Variants in EXT1 observed in about 807,000 individuals in gnomAD.
EXT1 encodes exostosin glycosyltransferase 1.
Under a neutral mutation model 82.5 loss-of-function variants are expected in EXT1, and 20 were observed. The observed-to-expected ratio is 0.24, with a 90% CI of 0.17 to 0.35. EXT1 has a LOEUF of 0.35. Ranked by LOEUF, EXT1 falls within the 10% of genes least tolerant of loss-of-function variation. The pLI, the probability that EXT1 is intolerant of heterozygous loss-of-function variation, is 1.00. For missense variants in EXT1, 757 were observed against 936.5 expected, an observed-to-expected ratio of 0.81 and a Z score of 2.50; for synonymous variants, 348 against 350.8, an observed-to-expected ratio of 0.99 and a Z score of 0.09.
chr8:117,896,643 C>T (rs926671056), intron 1 of EXT1, among the ~76,000 whole-genome samples: 1 of 152,158 alleles, frequency 6.6e-6, no homozygotes, highest in Non-Finnish European at 1.5e-5. Context: ...TCCTCTCTAC[C>T]CTCCCCACCT....
chr8:118,043,020 C>T (rs1816560168), intron 1 of EXT1, among the ~76,000 whole-genome samples: 1 of 152,192 alleles, frequency 6.6e-6, no homozygotes, highest in Non-Finnish European at 1.5e-5. Flanking sequence ...ATGAACTCAG[C>T]AGTCTCAAAT....
intron 1 of EXT1, among the ~76,000 whole-genome samples, chr8:118,033,246 C>T (rs926486945): frequency 6.6e-6 from 1 of 152,150 alleles, no homozygotes; most frequent in Non-Finnish European, 1.5e-5. Context: ...TATTTCTTTC[C>T]TGTTGTCCAA....
chr8:118,009,708 G>A (rs1815854411), intron 1 of EXT1, among the ~76,000 whole-genome samples: 1 of 152,144 alleles, frequency 6.6e-6, no homozygotes, highest in African/African-American at 2.4e-5. Flanking sequence ...GAACCCTATT[G>A]TGAACTGTGC....
intron 1 of EXT1, among the ~76,000 whole-genome samples, chr8:117,980,040 G>A (rs1815154169): frequency 6.6e-6 from 1 of 152,096 alleles, no homozygotes; most frequent in African/African-American, 2.4e-5. Context: ...TAATGACTGT[G>A]GTTTCCTGTC....
intron 1 of EXT1, among the ~76,000 whole-genome samples, chr8:117,851,354 T>C (rs1812449510): frequency 6.8e-6 from 1 of 146,422 alleles, no homozygotes; most frequent in African/African-American, 2.5e-5. Context: ...AATCTAAAAA[T>C]ACAAGGAAGA....
At chr8:118,033,328 C>A (rs1430166255) in intron 1 of EXT1, among the ~76,000 whole-genome samples, 1 of 152,180 alleles carries the variant, frequency 6.6e-6, no homozygotes, top group Non-Finnish European at 1.5e-5. Context: ...TGTACCAAGG[C>A]TCAGGTCTCT....
intron 1 of EXT1, among the ~76,000 whole-genome samples, chr8:118,039,569 A>T (rs905981706): frequency 1.3e-5 from 2 of 151,668 alleles, no homozygotes; most frequent in Non-Finnish European, 2.9e-5. Context: ...AAAAAAAAAA[A>T]AAAAAAAAAA....
At chr8:118,022,539 T>C (rs1816126763) in intron 1 of EXT1, among the ~76,000 whole-genome samples, 1 of 151,276 alleles carries the variant, frequency 6.6e-6, no homozygotes, top group South Asian at 2.1e-4. Context: ...GGTTTCACCA[T>C]GTTGGTCAGG....
intron 1 of EXT1, among the ~76,000 whole-genome samples, chr8:117,925,276 T>C (rs570469436): frequency 6.6e-6 from 1 of 152,152 alleles, no homozygotes; most frequent in African/African-American, 2.4e-5. Flanking sequence ...GTCTCTCTTA[T>C]TCATCTCTCT....
At chr8:117,878,565 CATAAGGTTGG>C (rs1237645160) in intron 1 of EXT1, among the ~76,000 whole-genome samples, 2 of 152,168 alleles carry the variant, frequency 1.3e-5, no homozygotes, top group African/African-American at 4.8e-5. Flanking sequence ...GATGACCTGG[CATAAGGTTGG>C]CCAAGTTGTT....
At chr8:117,880,762 T>C (rs1453391063) in intron 1 of EXT1, among the ~76,000 whole-genome samples, 1 of 152,062 alleles carries the variant, frequency 6.6e-6, no homozygotes, top group Non-Finnish European at 1.5e-5. Flanking sequence ...GGCTAATTTT[T>C]GTATTTTTAG....
At chr8:117,866,793 C>CA (rs10709657) in intron 1 of EXT1, among the ~76,000 whole-genome samples, 34,628 of 91,364 alleles carry the variant, frequency 0.38, 4,698 homozygotes, top group Middle Eastern at 0.49. Context: ...CTGGCCTACC[C>CA]AAAAAAAAAA....
chr8:117,982,925 A>G (rs1815238526), intron 1 of EXT1, among the ~76,000 whole-genome samples: 1 of 152,188 alleles, frequency 6.6e-6, no homozygotes, highest in East Asian at 1.9e-4. Flanking sequence ...ATTCCTTCCC[A>G]TTATTCAAAA....
At chr8:118,070,977 C>A (rs1247685933) in intron 1 of EXT1, among the ~76,000 whole-genome samples, 1 of 152,002 alleles carries the variant, frequency 6.6e-6, no homozygotes, top group Non-Finnish European at 1.5e-5. Flanking sequence ...GTGATCTGAC[C>A]CTTTCAGAAT....
At chr8:118,005,761 G>C (rs1815762577) in intron 1 of EXT1, among the ~76,000 whole-genome samples, 1 of 152,178 alleles carries the variant, frequency 6.6e-6, no homozygotes, top group African/African-American at 2.4e-5. Flanking sequence ...ATTGCAAAAT[G>C]ATTGCAAACT....
chr8:118,074,194 C>A (rs1817161475), intron 1 of EXT1, among the ~76,000 whole-genome samples: 1 of 152,000 alleles, frequency 6.6e-6, no homozygotes, highest in South Asian at 2.1e-4. Flanking sequence ...ATCTAAGCAA[C>A]CAATAGGAAA....
intron 1 of EXT1, among the ~76,000 whole-genome samples, chr8:118,037,843 T>TG (rs1393481029): frequency 2.8e-5 from 4 of 143,112 alleles, no homozygotes; most frequent in Non-Finnish European, 4.5e-5. Flanking sequence ...TTTGTTTTTT[T>TG]TTTTTTTTTT....
At chr8:117,903,493 C>G (rs904921358) in intron 1 of EXT1, among the ~76,000 whole-genome samples, 12 of 152,184 alleles carry the variant, frequency 7.9e-5, no homozygotes, top group Non-Finnish European at 1.8e-4. Flanking sequence ...AGTGGCAGAT[C>G]ACCCCTGAGT....
chr8:118,024,489 G>GT (rs1241066507), intron 1 of EXT1, among the ~76,000 whole-genome samples: 1 of 150,986 alleles, frequency 6.6e-6, no homozygotes, highest in Non-Finnish European at 1.5e-5. Flanking sequence ...TATATTCCAG[G>GT]TAATGCACAG....
Sources: allele counts gnomAD v4.1 joint callset (sites outside exome capture counted in the v4.1 genomes callset), GRCh38; gene constraint gnomAD v4.1.1; transcripts MANE v1.5; gene names NCBI Gene and HGNC (gene_info 2026-07-23, HGNC 2026-07-21).